Variants in ZNF808 observed in about 807,000 individuals in gnomAD.
ZNF808 encodes zinc finger protein 808.
ZNF808 carries 5 observed loss-of-function variants against 8.7 expected under a neutral mutation model. The observed-to-expected ratio is 0.58, with a 90% CI of 0.30 to 1.21. The LOEUF is 1.21. Ranked by LOEUF, ZNF808 falls within the 50% of genes most tolerant of loss-of-function variation. ZNF808 has a pLI of 0.07. For synonymous variants in ZNF808, 380 were observed against 366.0 expected, an observed-to-expected ratio of 1.04 and a Z score of -0.44; for missense variants, 1,103 against 1,098.4, an observed-to-expected ratio of 1.00 and a Z score of -0.06.
At chr19:52,541,037 T>C (rs2059664948) in intron 2 of ZNF808, among the ~76,000 whole-genome samples, 1 of 152,048 alleles carries the variant, frequency 6.6e-6, no homozygotes. Context: ...CTGCAACCTC[T>C]ACCTCCTGGG....
In ZNF808 at chr19:52,547,475, T is replaced by C. The variant is rs773566324; in HGVS notation, c.64-37T>C. On this transcript the variant is annotated intron_variant, in intron 3 of 4. Coordinates refer to ENST00000359798, the MANE Select transcript of ZNF808 (RefSeq NM_001039886.4). ...TCCTGTGAAGGTGATAACTCAATCCTCCATAATGTTTTGTTGAAATGTATG... is the reference window on the plus strand; with the variant it reads ...TCCTGTGAAGGTGATAACTCAATCCCCCATAATGTTTTGTTGAAATGTATG... 4.3e-6 allele frequency: 7 copies of C among 1,612,934 alleles called. No homozygotes were observed. The South Asian group carries it at 6.6e-5, about 15-fold the overall frequency.
chr19:52,561,198 CTCTCTCTCTCTCTCTATATATATATA>C (rs1350627620), downstream of ZNF808, among the ~76,000 whole-genome samples: 86 of 52,954 alleles, frequency 1.6e-3, no homozygotes, highest in African/African-American at 5.2e-3. Flanking sequence ...CTCTCTCTCT[CTCTCTCTCTCTCTCTATATATATATA>C]TATATATATA....
intron 1 of ZNF808, among the ~76,000 whole-genome samples, chr19:52,528,612 A>G (rs1470716814): frequency 7.2e-5 from 11 of 152,204 alleles, no homozygotes; most frequent in South Asian, 2.1e-4. Flanking sequence ...GAGTGGCAGC[A>G]AAGAGGGAGG....
Position 52,550,221 on chromosome 19 carries a change from C to A in ZNF808, c.190+2583C>A, listed in dbSNP as rs2059762918. On this transcript the variant is annotated intron_variant, in intron 4 of 4. Transcript: ENST00000359798. The stretch of plus-strand genomic sequence containing the variant: ...TTGAGAAATAATGATAATTTGCCTC[C>A]AGGGTTGGTTTTTTTTTTTTGTTTT... Among the ~76,000 whole-genome samples, 4 of 151,244 alleles carry A rather than the reference C, an allele frequency of 2.6e-5. No homozygotes were observed. In the South Asian group the frequency reaches 8.4e-4, roughly 32 times the overall value.
chr19:52,561,212 CTATATATATA>C (rs374488821), downstream of ZNF808, among the ~76,000 whole-genome samples: 736 of 39,922 alleles, frequency 0.018, 12 homozygotes, highest in Admixed American at 0.033. Flanking sequence ...CTCTCTCTCT[CTATATATATA>C]TATATATATA....
intron 4 of ZNF808, among the ~76,000 whole-genome samples, chr19:52,549,858 G>C (rs187762022): frequency 0.012 from 1,884 of 152,142 alleles, 18 homozygotes; most frequent in Non-Finnish European, 0.019. Context: ...TCAAGACCTT[G>C]TTCATCCACT....
At chr19:52,561,243 C>CT (rs1367111860), downstream of ZNF808, among the ~76,000 whole-genome samples, 23 of 110,432 alleles carry the variant, frequency 2.1e-4, no homozygotes, top group Admixed American at 4.6e-4. Flanking sequence ...TATATATACA[C>CT]TTTTTTTATT....
chr19:52,558,864 C>T (rs112034209), downstream of ZNF808, among the ~76,000 whole-genome samples: 1 of 152,198 alleles, frequency 6.6e-6, no homozygotes, highest in Admixed American at 6.6e-5. Flanking sequence ...GCTGTGTCAA[C>T]TCAAGGTTAA....
At chr19:52,559,875 C>A (rs185922768), downstream of ZNF808, among the ~76,000 whole-genome samples, 4 of 151,996 alleles carry the variant, frequency 2.6e-5, no homozygotes, top group Non-Finnish European at 4.4e-5. Flanking sequence ...TAGAGATGCA[C>A]GCCACCACGC....
intron 1 of ZNF808, among the ~76,000 whole-genome samples, chr19:52,531,226 C>T (rs2059559150): frequency 6.6e-6 from 1 of 152,140 alleles, no homozygotes; most frequent in Admixed American, 6.6e-5. Context: ...GTAATTCCAG[C>T]ACTTTGGAAG....
chr19:52,528,622 G>T (rs1322816199), intron 1 of ZNF808, among the ~76,000 whole-genome samples: 1 of 152,106 alleles, frequency 6.6e-6, no homozygotes, highest in Admixed American at 6.6e-5. Flanking sequence ...AAAGAGGGAG[G>T]CTCATCAGAG....
At chr19:52,559,748 G>A (rs1052562615), downstream of ZNF808, among the ~76,000 whole-genome samples, 12 of 151,930 alleles carry the variant, frequency 7.9e-5, no homozygotes, top group Middle Eastern at 3.4e-3. Flanking sequence ...CTTTTTTTGA[G>A]TTGAGTCTCC....
rs1298372025 is a variant in ZNF808, at chr19:52,554,920, G to A, written c.2004G>A (p.Trp668Ter). ...KTFSYKSSLVWHRRLHGGEKS... is the reference protein window; with the variant it reads ...KTFSYKSSLV ...TCAGTTACAAGTCATCACTTGTATG[G>A]CATCGTAGACTTCATGGTGGAGAGA... is the stretch of plus-strand genomic sequence containing the variant. Residue 668 changes from tryptophan (W) to a stop codon, truncating the protein, a stop_gained, in exon 5 of 5, where the codon TGG becomes TGA. Transcript: ENST00000359798. LOFTEE classifies it low-confidence loss of function (END_TRUNC). 1.9e-6 allele frequency: 3 copies of A among 1,614,002 alleles called. No individual in the cohort carries two copies.
chr19:52,553,500 G>T lies in ZNF808; in HGVS notation c.584G>T (p.Arg195Ile). Reference sequence around the variant, plus strand: ...GCTTCCTCAGTTTCAACATCCCAAAGAATTTCCTGTAGGCCCCAAATCCAT... The same window carrying T: ...GCTTCCTCAGTTTCAACATCCCAAATAATTTCCTGTAGGCCCCAAATCCAT... ...SDASSVSTSQ[R>I]ISCRPQIHIS... is the part of the protein sequence containing the mutation. The change falls in exon 5 of 5, where the codon AGA (arginine) becomes ATA (isoleucine). Residue 195 changes from arginine (R) to isoleucine (I), a missense_variant. Transcript: ENST00000359798. 6.2e-7 allele frequency: 1 copy of T among 1,614,118 alleles called. No individual in the cohort carries two copies. The highest frequency in any genetic ancestry group is 8.5e-7 in the Non-Finnish European group (1 of 1,180,010).
downstream of ZNF808, among the ~76,000 whole-genome samples, chr19:52,558,560 C>G (rs1176241241): frequency 4.0e-5 from 6 of 149,922 alleles, no homozygotes; most frequent in South Asian, 1.3e-3. Context: ...TTAGTAGAGA[C>G]AGAGTTTCAC....
intron 3 of ZNF808, among the ~76,000 whole-genome samples, chr19:52,562,769 T>C (rs763355709): frequency 1.9e-4 from 27 of 142,558 alleles, no homozygotes; most frequent in Non-Finnish European, 3.4e-4. Context: ...TCTGACACTG[T>C]TAGTCAATTC....
intron 2 of ZNF808, among the ~76,000 whole-genome samples, chr19:52,533,283 A>G (rs546430452): frequency 1.5e-4 from 23 of 152,018 alleles, no homozygotes; most frequent in African/African-American, 5.1e-4. Flanking sequence ...CTGGAGTTAA[A>G]TGGTGCGATC....
At position 52,554,393 on chromosome 19, in the gene ZNF808, A is replaced by G; in HGVS notation, c.1477A>G (p.Ser493Gly). ...GTGTAATGAGTGTCGCAAGACCTTC[A>G]GCCGCAGGTCATCCCTTCTATGCCA... ...YKCNECRKTF[S>G]RRSSLLCHRR... Residue 493 changes from serine to glycine, a missense_variant, in exon 5 of 5, where the codon AGC (serine) becomes GGC (glycine). Ser to Gly is a moderately conservative substitution (Grantham distance 56, BLOSUM62 0). Transcript: ENST00000359798. The G allele has an allele frequency of 6.2e-7, 1 of 1,614,000 alleles. No individual in the cohort carries two copies. Among genetic ancestry groups the G allele is most frequent in the Non-Finnish European group, 8.5e-7 (1 of 1,180,004 alleles).
chr19:52,554,977 T>G lies in ZNF808; in HGVS notation c.2061T>G (p.Ala687=). 6.2e-7 allele frequency: 1 copy of G among 1,614,118 alleles called. No individual in the cohort carries two copies. The highest frequency in any genetic ancestry group is 1.1e-5 in the South Asian group (1 of 91,082). ...KSYKCKVCDK[A]FVCRSYVAKH... ...ACAAATGTAAGGTTTGTGACAAGGC[T>G]TTCGTGTGTCGTTCCTATGTGGCAA... The change falls in exon 5 of 5, where the codon GCT becomes GCG. Residue 687 remains alanine (A), a synonymous_variant. Coordinates refer to ENST00000359798, the MANE Select transcript of ZNF808 (RefSeq NM_001039886.4).
Sources: allele counts gnomAD v4.1 joint callset (sites outside exome capture counted in the v4.1 genomes callset), GRCh38; gene constraint gnomAD v4.1.1; transcripts MANE v1.5; gene names NCBI Gene and HGNC (gene_info 2026-07-23, HGNC 2026-07-21).